ADGRL1: variants seen among roughly 807,000 people sequenced by gnomAD.
ADGRL1 encodes CIRL-1.
Under a neutral mutation model 148.9 loss-of-function variants are expected in ADGRL1, and 31 were observed. The observed-to-expected ratio is 0.21, with a 90% CI of 0.16 to 0.28. ADGRL1 has a LOEUF of 0.28. ADGRL1 is among the 10% of genes least tolerant of loss of function. ADGRL1 has a pLI of 1.00. For synonymous variants in ADGRL1, 937 were observed against 900.3 expected, an observed-to-expected ratio of 1.04 and a Z score of -0.73; for missense variants, 1,521 against 2,058.8, an observed-to-expected ratio of 0.74 and a Z score of 5.05.
At position 14,157,213 on chromosome 19, in the gene ADGRL1, A is replaced by G; in HGVS notation, c.2745+38T>C. 1 of 1,613,048 alleles carries G rather than the reference A, an allele frequency of 6.2e-7. No individual in the cohort carries two copies. On this transcript the variant is annotated intron_variant, in intron 14 of 22. Transcript: ENST00000361434. The surrounding 1 kb of genome is among the most constrained non-coding windows in gnomAD (Gnocchi z 7.5). ...TGTCCCCCTTCTTCTCCCGGCCCCC[A>G]GGCGCTGGCCGTCACCTGCCCTAGA...
intron 18 of ADGRL1, among the ~76,000 whole-genome samples, chr19:14,154,117 G>T (rs577826124): frequency 6.6e-6 from 1 of 152,198 alleles, no homozygotes; most frequent in East Asian, 1.9e-4. Flanking sequence ...GGGGCCTGGG[G>T]TCCCCTGAAA....
intron 4 of ADGRL1, chr19:14,167,053 G>A: frequency 1.3e-6 from 2 of 1,592,118 alleles, no homozygotes; most frequent in East Asian, 2.2e-5. Flanking sequence ...TCGGAAGAGA[G>A]AGAGAAAACA....
chr19:14,152,434 G>A lies in ADGRL1; in HGVS notation c.3524C>T (p.Thr1175Ile). ...GTTGGTCAGCAGGTGGTTCCCCATGGTACCTGGCCAAAGGATCAGAGGTCA... is the reference window on the plus strand; with the variant it reads ...GTTGGTCAGCAGGTGGTTCCCCATGATACCTGGCCAAAGGATCAGAGGTCA... ...INSTPTLNRG[T>I]MGNHLLTNPV... The change falls in exon 21 of 23, where the codon ACC becomes ATC. Residue 1175 changes from threonine (T) to isoleucine (I), a missense_variant. Thr to Ile is a moderately conservative substitution (Grantham distance 89, BLOSUM62 -1). Transcript: ENST00000361434. The surrounding 1 kb of genome is among the most constrained non-coding windows in gnomAD (Gnocchi z 6.1). 6.2e-7 allele frequency: 1 copy of A among 1,603,114 alleles called. No individual in the cohort carries two copies. Among genetic ancestry groups the A allele is most frequent in the South Asian group, 1.1e-5 (1 of 90,148 alleles).
At chr19:14,172,650 G>A (rs1391666686) in intron 3 of ADGRL1, among the ~76,000 whole-genome samples, 1 of 152,122 alleles carries the variant, frequency 6.6e-6, no homozygotes, top group Non-Finnish European at 1.5e-5. Context: ...TGAGGCCCAA[G>A]AATCGCTAGA....
intron 4 of ADGRL1, among the ~76,000 whole-genome samples, chr19:14,165,984 C>T (rs1047152467): frequency 1.3e-5 from 2 of 152,158 alleles, no homozygotes; most frequent in African/African-American, 4.8e-5. Context: ...CTAGAAGCCC[C>T]TCAGCAGCAG....
At chr19:14,184,098 A>G (rs973325325) in intron 1 of ADGRL1, among the ~76,000 whole-genome samples, 1 of 152,130 alleles carries the variant, frequency 6.6e-6, no homozygotes, top group Non-Finnish European at 1.5e-5. Flanking sequence ...TGAGGGACTC[A>G]TTGCAACCCA....
Position 14,155,419 on chromosome 19 carries a change from G to A in ADGRL1, c.3234C>T (p.Thr1078=), listed in dbSNP as rs759614827. ...AGACCCCCTGGAAGGCGTTGAAGGT[G>A]GTGAAGAGATAGGCCATGACCACCG... is the stretch of plus-strand genomic sequence containing the variant. ...KESVVMAYLF[T]TFNAFQGVFI... Residue 1078 remains threonine, a synonymous_variant, in exon 18 of 23, where the codon ACC becomes ACT. Transcript: ENST00000361434. The surrounding 1 kb of genome is among the most constrained non-coding windows in gnomAD (Gnocchi z 5.0). The A allele has an allele frequency of 6.2e-7, 1 of 1,614,158 alleles. No homozygotes were observed. Among genetic ancestry groups the A allele is most frequent in the East Asian group, 2.2e-5 (1 of 44,888 alleles).
At chr19:14,197,544 G>A (rs1054887400) in intron 1 of ADGRL1, among the ~76,000 whole-genome samples, 15 of 152,146 alleles carry the variant, frequency 9.9e-5, no homozygotes, top group African/African-American at 3.6e-4. Context: ...CTGCTGTCCT[G>A]CCACCTTCCC....
Position 14,151,156 on chromosome 19 carries a change from C to G in ADGRL1, c.4127G>C (p.Arg1376Pro). Residue 1376 changes from arginine to proline, a missense_variant, in exon 23 of 23, where the codon CGG becomes CCG. By Grantham distance (103) the Arg-to-Pro change is moderately radical (BLOSUM62 -2). Transcript: ENST00000361434. ...TSRPLSSPPG[R>P]DSLYASGANL... ...GGCCCCGCTGGCATAGAGGGAGTCCCGGCCAGGAGGGGAGGAGAGGGGCCG... is the reference window on the plus strand; with the variant it reads ...GGCCCCGCTGGCATAGAGGGAGTCCGGGCCAGGAGGGGAGGAGAGGGGCCG... 6.2e-7 allele frequency: 1 copy of G among 1,604,840 alleles called. No homozygotes were observed. Among genetic ancestry groups the G allele is most frequent in the Non-Finnish European group, 8.5e-7 (1 of 1,176,962 alleles).
At position 14,155,600 on chromosome 19, in the gene ADGRL1, C is replaced by A. The variant is rs1304485706; in HGVS notation, c.3126-73G>T. ...GCCTCAGCCCAGGCCTCCCCTGCAG[C>A]CTACAACGGGGGCCCTTGGGTGGGC... is the stretch of plus-strand genomic sequence containing the variant. On this transcript the variant is annotated intron_variant, in intron 17 of 22. Transcript: ENST00000361434. The surrounding 1 kb of genome is among the most constrained non-coding windows in gnomAD (Gnocchi z 5.0). 6.6e-7 allele frequency: 1 copy of A among 1,515,712 alleles called. No homozygotes were observed. The allele number at this position is 1,515,712 out of a possible 1,614,324, so 93.9% of individuals were successfully genotyped here. A position where few individuals can be genotyped will look rare whatever the true frequency, so the allele number is the denominator to read the frequency against.
chr19:14,152,228 G>A lies in ADGRL1; in HGVS notation c.3650-78C>T, dbSNP rs1417251065. 1 of 1,613,710 alleles carries A rather than the reference G, an allele frequency of 6.2e-7. No individual in the cohort carries two copies. The highest frequency in any genetic ancestry group is 8.5e-7 in the Non-Finnish European group (1 of 1,179,866). On this transcript the variant is annotated intron_variant, in intron 21 of 22. Coordinates refer to ENST00000361434, the MANE Select transcript of ADGRL1 (RefSeq NM_014921.5). This position sits in a 1 kb window ranked among gnomAD's most constrained non-coding sequence, Gnocchi z 6.1. ...TGCAAGTCCAGGCTCCAGTTCTGGG[G>A]CACAGAACATCCCATGCAGAGGTCC...
intron 1 of ADGRL1, among the ~76,000 whole-genome samples, chr19:14,188,625 G>A (rs1296172211): frequency 6.6e-6 from 1 of 152,168 alleles, no homozygotes; most frequent in African/African-American, 2.4e-5. Flanking sequence ...TCTTTGGGCT[G>A]TGTATACTTC....
intron 4 of ADGRL1, among the ~76,000 whole-genome samples, chr19:14,165,626 GT>G (rs1440791686): frequency 6.6e-6 from 1 of 151,136 alleles, no homozygotes; most frequent in Non-Finnish European, 1.5e-5. Context: ...ATCTCCAGTG[GT>G]GCCGCATCCA....
chr19:14,158,594 C>G, intron 11 of ADGRL1, 42 bp from the exon 12 acceptor site: 15 of 1,519,824 alleles, frequency 9.9e-6, no homozygotes, highest in Non-Finnish European at 1.3e-5. Flanking sequence ...GCATCCTCAG[C>G]TGGCGCACCT....
Position 14,161,891 on chromosome 19 carries a change from A to G in ADGRL1, c.1196-265T>C, listed in dbSNP as rs1345899741. ...TAAGGTCTGAGAGAACGGTCAGGGGAGAGGCAGGGACAGAGGTGTCTGGGG... is the reference window on the plus strand; with the variant it reads ...TAAGGTCTGAGAGAACGGTCAGGGGGGAGGCAGGGACAGAGGTGTCTGGGG... On this transcript the variant is annotated intron_variant, in intron 5 of 22. Transcript: ENST00000361434. The surrounding 1 kb of genome is among the most constrained non-coding windows in gnomAD (Gnocchi z 4.4). Among the ~76,000 whole-genome samples, 1 of 152,108 alleles carries G rather than the reference A, an allele frequency of 6.6e-6. No individual in the cohort carries two copies. The highest frequency in any genetic ancestry group is 1.5e-5 in the Non-Finnish European group (1 of 68,006).
At position 14,157,206 on chromosome 19, in the gene ADGRL1, G is replaced by A. The variant is rs573873110; in HGVS notation, c.2745+45C>T. The stretch of plus-strand genomic sequence containing the variant: ...GGACAGGTGTCCCCCTTCTTCTCCC[G>A]GCCCCCAGGCGCTGGCCGTCACCTG... On this transcript the variant is annotated intron_variant, in intron 14 of 22. Coordinates refer to ENST00000361434, the MANE Select transcript of ADGRL1 (RefSeq NM_014921.5). The surrounding 1 kb of genome is among the most constrained non-coding windows in gnomAD (Gnocchi z 7.5). 6.8e-6 allele frequency: 11 copies of A among 1,613,276 alleles called. No homozygotes were observed. The highest frequency in any genetic ancestry group is 2.2e-5 in the South Asian group (2 of 91,062).
chr19:14,158,273 T>C (rs1390349799), intron 12 of ADGRL1, 65 bp downstream of exon 12: 29 of 1,524,430 alleles, frequency 1.9e-5, no homozygotes, highest in Non-Finnish European at 2.6e-5. Flanking sequence ...GAGGGGCAGG[T>C]ACACAGCCTG....
At position 14,161,187 on chromosome 19, in the gene ADGRL1, G is replaced by C. The variant is rs541476302; in HGVS notation, c.1510+125C>G. ...GCCCTGAGAGCTCTGCTGGTCACTG[G>C]GGATGACCCCTGCCCTCAGAAAACC... On this transcript the variant is annotated intron_variant, in intron 6 of 22. Coordinates refer to ENST00000361434, the MANE Select transcript of ADGRL1 (RefSeq NM_014921.5). The surrounding 1 kb of genome is among the most constrained non-coding windows in gnomAD (Gnocchi z 4.4). 8.2e-6 allele frequency: 8 copies of C among 969,920 alleles called. No individual in the cohort carries two copies. The highest frequency in any genetic ancestry group is 8.7e-6 in the Non-Finnish European group (6 of 690,274). The allele number at this position is 969,920 out of a possible 1,614,324, so 60.1% of individuals were successfully genotyped here. A position where few individuals can be genotyped will look rare whatever the true frequency, so the allele number is the denominator to read the frequency against.
chr19:14,203,523 C>T (rs553203337), intron 1 of ADGRL1, among the ~76,000 whole-genome samples: 1 of 152,232 alleles, frequency 6.6e-6, no homozygotes, highest in Non-Finnish European at 1.5e-5. Context: ...GCCTCACATG[C>T]AGGTGGAGAG....
Sources: gnomAD v4.1 joint callset for allele counts (sites outside exome capture counted in the v4.1 genomes callset) on GRCh38, gnomAD v4.1.1 for gene constraint, Gnocchi (gnomAD v3.1) non-coding constraint, MANE v1.5 for transcripts, NCBI Gene and HGNC (gene_info 2026-07-23, HGNC 2026-07-21) for gene names.